The following WDFY4 variants were observed in gnomAD, a reference collection of about 807,000 sequenced individuals.
WDFY4 encodes WDFY family member 4, also known as WD repeat- and FYVE domain-containing protein 4.
In WDFY4, 169 loss-of-function variants were observed where a neutral mutation model predicts 351.9. The observed-to-expected ratio is 0.48, with a 90% CI of 0.42 to 0.55. The LOEUF is 0.55. WDFY4 is among the 20% of genes least tolerant of loss of function. The pLI is 0.00. For synonymous variants in WDFY4, 1,622 were observed against 1,574.6 expected, an observed-to-expected ratio of 1.03 and a Z score of -0.71; for missense variants, 3,803 against 3,935.6, an observed-to-expected ratio of 0.97 and a Z score of 0.90.
At chr10:48,752,490 TC>T (rs1275413538) in intron 12 of WDFY4, among the ~76,000 whole-genome samples, 1 of 152,238 alleles carries the variant, frequency 6.6e-6, no homozygotes, top group Non-Finnish European at 1.5e-5. Flanking sequence ...ACCACCTCTA[TC>T]TAATTCAAAA....
At chr10:48,892,702 G>A (rs1455492391) in intron 44 of WDFY4, among the ~76,000 whole-genome samples, 1 of 152,172 alleles carries the variant, frequency 6.6e-6, no homozygotes, top group Non-Finnish European at 1.5e-5. Context: ...AACCTGAAAT[G>A]TTTCTGTAAA....
intron 47 of WDFY4, among the ~76,000 whole-genome samples, chr10:48,912,286 C>T (rs1239706507): frequency 2.0e-5 from 3 of 152,198 alleles, no homozygotes; most frequent in Non-Finnish European, 2.9e-5. Flanking sequence ...CTGGCTTCTG[C>T]TGAGTACGTT....
At chr10:48,826,632 C>G in intron 35 of WDFY4, 39 bp from the exon 36 acceptor site, 1 of 1,473,532 alleles carries the variant, frequency 6.8e-7, no homozygotes, top group South Asian at 1.2e-5. Flanking sequence ...GTAAAGCACT[C>G]ACAAGTTTGT....
chr10:48,766,983 C>T (rs1158981396), intron 13 of WDFY4, among the ~76,000 whole-genome samples: 1 of 152,196 alleles, frequency 6.6e-6, no homozygotes, highest in Non-Finnish European at 1.5e-5. Context: ...AGACATGAAA[C>T]AGAAGCAGAA....
chr10:48,784,404 A>G, intron 19 of WDFY4, among the ~76,000 whole-genome samples: 1 of 151,602 alleles, frequency 6.6e-6, no homozygotes. Flanking sequence ...CTGTGTTTTT[A>G]ATTTGTATTT....
At position 48,828,796 on chromosome 10, in the gene WDFY4, A is replaced by G. The variant is rs1419850287; in HGVS notation, c.6240A>G (p.Gly2080=). 1.3e-6 allele frequency: 2 copies of G among 1,547,410 alleles called. No homozygotes were observed. The highest frequency in any genetic ancestry group is 1.7e-6 in the Non-Finnish European group (2 of 1,144,744). Residue 2080 remains glycine, a synonymous_variant, in exon 37 of 62, where the codon GGA becomes GGG. Coordinates refer to ENST00000325239, the MANE Select transcript of WDFY4 (RefSeq NM_001394531.1). ...LNERSYPEGF[G]LEPKPRMSTY... ...CCACTAGTTACCCAGAAGGATTTGGATTGGAGCCCAAGCCTAGAATGTCTA... is the reference window on the plus strand; with the variant it reads ...CCACTAGTTACCCAGAAGGATTTGGGTTGGAGCCCAAGCCTAGAATGTCTA...
chr10:48,766,560 C>T (rs552291295), intron 13 of WDFY4, among the ~76,000 whole-genome samples: 34 of 152,264 alleles, frequency 2.2e-4, no homozygotes, highest in Non-Finnish European at 1.3e-4. Flanking sequence ...TGCCATTGAA[C>T]TCCAGCCTGG....
intron 54 of WDFY4, among the ~76,000 whole-genome samples, chr10:48,965,810 G>GATATAGATTATATCTGTATCAGTTAA: frequency 6.6e-6 from 1 of 152,230 alleles, no homozygotes; most frequent in African/African-American, 2.4e-5. Context: ...GTATCAGTTA[G>GATATAGATTATATCTGTATCAGTTAA]ATATAGATTA....
chr10:48,874,728 G>C (rs1470965292), intron 41 of WDFY4, among the ~76,000 whole-genome samples: 1 of 152,152 alleles, frequency 6.6e-6, no homozygotes, highest in Non-Finnish European at 1.5e-5. Flanking sequence ...TATGAAACCT[G>C]GTCTCTGGTC....
chr10:48,701,135 T>C (rs1203731383), intron 1 of WDFY4, among the ~76,000 whole-genome samples: 2 of 152,208 alleles, frequency 1.3e-5, no homozygotes, highest in Non-Finnish European at 2.9e-5. Context: ...TCTGGCTCTA[T>C]GAATTTGACT....
chr10:48,848,754 C>A (rs970626917), intron 39 of WDFY4, among the ~76,000 whole-genome samples: 2 of 152,232 alleles, frequency 1.3e-5, no homozygotes, highest in Non-Finnish European at 2.9e-5. Context: ...GCTGCCCCTG[C>A]AGAGCTTACC....
At chr10:48,777,069 T>C in intron 16 of WDFY4, 85 bp downstream of exon 16, 2 of 1,404,108 alleles carry the variant, frequency 1.4e-6, no homozygotes, top group South Asian at 2.8e-5. Context: ...TGCAAACTTG[T>C]AGTTCCCATT....
intron 25 of WDFY4, among the ~76,000 whole-genome samples, chr10:48,803,964 T>A (rs1350810015): frequency 6.6e-6 from 1 of 152,212 alleles, no homozygotes; most frequent in East Asian, 1.9e-4. Context: ...CCTGGGCAGC[T>A]CCTCAGAGCA....
chr10:48,976,937 A>G lies in WDFY4; in HGVS notation c.9249A>G (p.Thr3083=). The change falls in exon 59 of 62, where the codon ACA becomes ACG. Residue 3083 remains threonine (T), a synonymous_variant. Transcript: ENST00000325239. Reference sequence around the variant, plus strand: ...TGATGGAGGGCCCAGCATGGGACACAAGCCAGATCATCATCACCGGGAGTC... The same window carrying G: ...TGATGGAGGGCCCAGCATGGGACACGAGCCAGATCATCATCACCGGGAGTC... ...CCLMEGPAWD[T]SQIIITGSQD... The G allele has an allele frequency of 2.0e-6, 3 of 1,513,310 alleles. No homozygotes were observed. Among genetic ancestry groups the G allele is most frequent in the Non-Finnish European group, 2.7e-6 (3 of 1,125,888 alleles). 93.7% of individuals were successfully genotyped at this position (1,513,310 alleles called of 1,614,324 possible). A position where few individuals can be genotyped will look rare whatever the true frequency, so the allele number is the denominator to read the frequency against.
intron 39 of WDFY4, among the ~76,000 whole-genome samples, chr10:48,855,176 T>G (rs1202267292): frequency 1.3e-5 from 2 of 152,166 alleles, no homozygotes; most frequent in African/African-American, 4.8e-5. Flanking sequence ...TAAACACTTT[T>G]TAATTTTATT....
chr10:48,771,853 AAG>A (rs2065875898), intron 13 of WDFY4, among the ~76,000 whole-genome samples: 2 of 152,184 alleles, frequency 1.3e-5, no homozygotes, highest in African/African-American at 4.8e-5. Flanking sequence ...AAAGAATAGG[AAG>A]AGAGGAAGCA....
In WDFY4 at chr10:48,780,101, G is replaced by A. The variant is rs934188005; in HGVS notation, c.3558G>A (p.Gln1186=). The A allele has an allele frequency of 1.9e-6, 3 of 1,551,926 alleles. No individual in the cohort carries two copies. Among genetic ancestry groups the A allele is most frequent in the Admixed American group, 2.0e-5 (1 of 50,992 alleles). The change falls in exon 19 of 62, where the codon CAG becomes CAA. Residue 1186 remains glutamine (Q), a synonymous_variant. Coordinates refer to ENST00000325239, the MANE Select transcript of WDFY4 (RefSeq NM_001394531.1). ...CAGTTTCCACCTGTCTGGATGGACAGGTCATTGGCTCTGCCAAGGTGAGAT... is the reference window on the plus strand; with the variant it reads ...CAGTTTCCACCTGTCTGGATGGACAAGTCATTGGCTCTGCCAAGGTGAGAT... ...HCTVSTCLDG[Q]VIGSAKMLYI...
intron 40 of WDFY4, 135 bp downstream of exon 40, chr10:48,867,477 T>C: frequency 2.3e-6 from 1 of 441,318 alleles, no homozygotes. Flanking sequence ...TTTTGCATTT[T>C]ATCCTAAATG....
chr10:48,692,185 G>A (rs1356754938), intron 1 of WDFY4, among the ~76,000 whole-genome samples: 1 of 152,234 alleles, frequency 6.6e-6, no homozygotes, highest in African/African-American at 2.4e-5. Context: ...AGGCAGATCA[G>A]GGTGGCAAAT....
Sources: gnomAD v4.1 joint callset for allele counts (sites outside exome capture counted in the v4.1 genomes callset) on GRCh38, gnomAD v4.1.1 for gene constraint, MANE v1.5 for transcripts, NCBI Gene and HGNC (gene_info 2026-07-23, HGNC 2026-07-21) for gene names.